The following STON2 variants were observed in gnomAD, a reference collection of about 807,000 sequenced individuals.
STON2 encodes the protein stonin 2.
A neutral mutation model predicts 65.7 loss-of-function variants in STON2; 29 were observed. That is an observed-to-expected ratio of 0.44 (90% CI 0.33 to 0.60). STON2 has a LOEUF of 0.60. Among genes scored for constraint, STON2 ranks in the 20% least tolerant of loss-of-function variants. The pLI, the probability that STON2 is intolerant of heterozygous loss-of-function variation, is 0.03. For synonymous variants in STON2, 404 were observed against 414.2 expected (o/e 0.98, Z 0.30); for missense variants, 1,054 against 1,118.1 (o/e 0.94, Z 0.82).
chr14:81,391,382 C>T (rs1900069738), intron 3 of STON2, among the ~76,000 whole-genome samples: 1 of 152,242 alleles, frequency 6.6e-6, no homozygotes, highest in African/African-American at 2.4e-5. Context: ...AGCTGCACAA[C>T]AGCCTCCTGA....
chr14:81,414,675 C>A (rs1901337207), intron 2 of STON2, among the ~76,000 whole-genome samples: 1 of 151,632 alleles, frequency 6.6e-6, no homozygotes, highest in South Asian at 2.1e-4. Flanking sequence ...AATACAAGAA[C>A]AAATGTCCTC....
chr14:81,427,039 T>C (rs1024013870), intron 2 of STON2: 2 of 152,216 alleles, frequency 1.3e-5, no homozygotes, highest in African/African-American at 4.8e-5. Flanking sequence ...CTCATAACCC[T>C]ATGAAGTAGG....
intron 2 of STON2, among the ~76,000 whole-genome samples, chr14:81,408,711 T>C (rs1005050166): frequency 3.3e-5 from 5 of 152,254 alleles, no homozygotes; most frequent in African/African-American, 1.2e-4. Context: ...AACAATTCCA[T>C]GGCCCCACAT....
chr14:81,393,684 A>G (rs561066250), intron 3 of STON2, among the ~76,000 whole-genome samples: 1 of 152,356 alleles, frequency 6.6e-6, no homozygotes, highest in East Asian at 1.9e-4. Flanking sequence ...AACTGAGACA[A>G]TAAGTATGCA....
Position 81,276,952 on chromosome 14 carries a change from C to G in STON2, c.2530G>C (p.Ala844Pro). Residue 844 changes from alanine to proline, a missense_variant, in exon 6 of 8, where the codon GCC becomes CCC. Coordinates refer to ENST00000614646, the MANE Select transcript of STON2 (RefSeq NM_001394390.1). ...ATCCTCCACACAATGGAGTTGAAGG[C>G]ATGCTCGTACTTGGCAGTTCCCAGA... ...VTLGTAKYEH[A>P]FNSIVWRINR... is the part of the protein sequence containing the mutation. The G allele has an allele frequency of 6.2e-7, 1 of 1,614,226 alleles. No individual in the cohort carries two copies. Among genetic ancestry groups the G allele is most frequent in the Non-Finnish European group, 8.5e-7 (1 of 1,180,034 alleles).
chr14:81,340,347 G>A (rs1315200663), intron 4 of STON2, among the ~76,000 whole-genome samples: 1 of 152,118 alleles, frequency 6.6e-6, no homozygotes, highest in Admixed American at 6.5e-5. Flanking sequence ...AGGAACTATT[G>A]GGGTTAGTGG....
chr14:81,332,511 A>C (rs1397302463), intron 4 of STON2, among the ~76,000 whole-genome samples: 2 of 152,184 alleles, frequency 1.3e-5, no homozygotes, highest in African/African-American at 2.4e-5. Context: ...ATTATTACTC[A>C]GATATTAAAA....
rs564552373 is a variant in STON2, at chr14:81,297,776, C to T, written c.743-19037G>A. Among the ~76,000 whole-genome samples, 7 of 152,336 alleles carry T rather than the reference C, an allele frequency of 4.6e-5. No homozygotes were observed. In the East Asian group the frequency reaches 7.7e-4, roughly 17 times the overall value. ...CTGGCCAGCTGGGCACAGTGGCTCA[C>T]GCCTGTAATCCCAGCACTTCGGGAG... On this transcript the variant is annotated intron_variant, in intron 5 of 7. Transcript: ENST00000614646.
In STON2 at chr14:81,425,571, C is replaced by CA. The variant is rs891503250; in HGVS notation, c.-199+1530dup. Among the ~76,000 whole-genome samples, 131 of 141,972 alleles carry CA rather than the reference C, an allele frequency of 9.2e-4. No homozygotes were observed. The East Asian group carries it at 0.014, about 15-fold the overall frequency. 93.1% of individuals were successfully genotyped at this position (141,972 alleles called of 152,430 possible). On this transcript the variant is annotated intron_variant, in intron 2 of 8. Coordinates refer to the STON2 transcript ENST00000553821. ...TGGACGACAGAGTGAACTCTGCCAT[C>CA]AAAAAAAAAAAAGTAGGGAAGATTG...
intron 5 of STON2, among the ~76,000 whole-genome samples, chr14:81,318,254 G>A (rs1024056234): frequency 1.1e-4 from 17 of 152,180 alleles, no homozygotes; most frequent in Admixed American, 4.6e-4. Flanking sequence ...GTGAGCCACT[G>A]CACAAGGCAG....
intron 5 of STON2, among the ~76,000 whole-genome samples, chr14:81,319,044 G>A (rs906599463): frequency 3.3e-5 from 5 of 152,088 alleles, no homozygotes; most frequent in Admixed American, 6.6e-5. Flanking sequence ...TAAAGGTAGC[G>A]GCTGGTGCCA....
At chr14:81,303,155 G>A (rs1049805874) in intron 5 of STON2, among the ~76,000 whole-genome samples, 4 of 152,038 alleles carry the variant, frequency 2.6e-5, no homozygotes, top group African/African-American at 9.7e-5. Flanking sequence ...AGGATAAGCA[G>A]AGAGAAAGAA....
intron 4 of STON2, among the ~76,000 whole-genome samples, chr14:81,361,347 C>G (rs991321973): frequency 1.3e-5 from 2 of 152,080 alleles, no homozygotes; most frequent in Non-Finnish European, 2.9e-5. Flanking sequence ...AGAAATGAAA[C>G]CACACATGTA....
intron 4 of STON2, among the ~76,000 whole-genome samples, chr14:81,359,847 G>A (rs1898410633): frequency 6.6e-6 from 1 of 152,150 alleles, no homozygotes; most frequent in Non-Finnish European, 1.5e-5. Context: ...CCAATAACCA[G>A]TAAGGAGACT....
chr14:81,335,398 C>G (rs1353400497), intron 4 of STON2, among the ~76,000 whole-genome samples: 2 of 152,294 alleles, frequency 1.3e-5, no homozygotes, highest in Admixed American at 6.5e-5. Context: ...TTTCCCCACT[C>G]CAAACACTTC....
chr14:81,422,326 T>C (rs1901745318), intron 2 of STON2, among the ~76,000 whole-genome samples: 1 of 152,170 alleles, frequency 6.6e-6, no homozygotes. Context: ...TGCTATGTGA[T>C]CTCTGCACAC....
chr14:81,349,962 G>A (rs1043210911), intron 4 of STON2, among the ~76,000 whole-genome samples: 1 of 152,096 alleles, frequency 6.6e-6, no homozygotes, highest in African/African-American at 2.4e-5. Flanking sequence ...TATGTTAAGT[G>A]AAATAAGATA....
chr14:81,309,625 G>C (rs1176377812), intron 5 of STON2, among the ~76,000 whole-genome samples: 1 of 152,136 alleles, frequency 6.6e-6, no homozygotes, highest in African/African-American at 2.4e-5. Context: ...GCAATCCCTA[G>C]AGCCATGTAT....
intron 2 of STON2, among the ~76,000 whole-genome samples, chr14:81,422,950 G>A (rs978883578): frequency 2.0e-4 from 31 of 151,810 alleles, no homozygotes; most frequent in African/African-American, 5.8e-4. Flanking sequence ...TAGGAAAATC[G>A]CTTGAACCCT....
Sources: allele counts gnomAD v4.1 joint callset (sites outside exome capture counted in the v4.1 genomes callset), GRCh38; gene constraint gnomAD v4.1.1; transcripts MANE v1.5; gene names NCBI Gene and HGNC (gene_info 2026-07-23, HGNC 2026-07-21).